The following NDNF variants were observed in gnomAD, a reference collection of about 807,000 sequenced individuals.
The protein encoded by NDNF is neuron derived neurotrophic factor.
A neutral mutation model predicts 42.0 loss-of-function variants in NDNF; 16 were observed. The observed-to-expected ratio is 0.38, with a 90% CI of 0.26 to 0.58. The LOEUF is 0.58. Among genes scored for constraint, NDNF ranks in the 20% least tolerant of loss-of-function variants. NDNF has a pLI of 0.67. For missense variants in NDNF, 616 were observed against 666.2 expected, an observed-to-expected ratio of 0.92 and a Z score of 0.83; for synonymous variants, 248 against 251.7, an observed-to-expected ratio of 0.99 and a Z score of 0.14.
chr4:121,067,924 C>T (rs781533572), intron 1 of NDNF, among the ~76,000 whole-genome samples: 12 of 152,138 alleles, frequency 7.9e-5, no homozygotes, highest in Non-Finnish European at 1.3e-4. Flanking sequence ...AGGAAGCAGC[C>T]AAGGATACAC....
At chr4:121,056,546 GAA>G (rs1200846407) in intron 1 of NDNF, among the ~76,000 whole-genome samples, 1 of 152,166 alleles carries the variant, frequency 6.6e-6, no homozygotes, top group Non-Finnish European at 1.5e-5. Flanking sequence ...GGATAAAACT[GAA>G]AGACTAAAAC....
chr4:121,045,438 A>C (rs916836750), intron 2 of NDNF, among the ~76,000 whole-genome samples: 7 of 152,184 alleles, frequency 4.6e-5, no homozygotes, highest in Non-Finnish European at 8.8e-5. Flanking sequence ...TGCCTCCTAC[A>C]CGCAAAAGGA....
At position 121,045,762 on chromosome 4, in the gene NDNF, C is replaced by T; in HGVS notation, c.76G>A (p.Asp26Asn). 2 of 1,614,164 alleles carry T rather than the reference C, an allele frequency of 1.2e-6. No individual in the cohort carries two copies. The highest frequency in any genetic ancestry group is 1.1e-5 in the South Asian group (1 of 91,078). ...ATCTGCATCTGAAAAAGTTCCTCAT[C>T]CCGGGTGGGTAACTTCTGGGTCCTT... The part of the protein sequence containing the change: ...SSRTQKLPTR[D>N]EELFQMQIRD... The change falls in exon 2 of 4, where the codon GAT becomes AAT. Residue 26 changes from aspartate to asparagine, a missense_variant. Coordinates refer to ENST00000379692, the MANE Select transcript of NDNF (RefSeq NM_024574.4).
chr4:121,039,829 C>T, intron 3 of NDNF, 101 bp downstream of exon 3: 1 of 1,357,582 alleles, frequency 7.4e-7, no homozygotes. Context: ...ACTTGTGCAC[C>T]CATGCTGCCT....
At chr4:121,046,473 A>T (rs779664506) in intron 1 of NDNF, among the ~76,000 whole-genome samples, 8 of 152,216 alleles carry the variant, frequency 5.3e-5, no homozygotes, top group Non-Finnish European at 1.0e-4. Flanking sequence ...GATTTTTATA[A>T]ATCATAAACT....
At chr4:121,055,632 G>A (rs1017666879) in intron 1 of NDNF, among the ~76,000 whole-genome samples, 1 of 151,428 alleles carries the variant, frequency 6.6e-6, no homozygotes, top group Non-Finnish European at 1.5e-5. Context: ...AAAAGAGGAA[G>A]GCATTCTCTT....
intron 1 of NDNF, among the ~76,000 whole-genome samples, chr4:121,054,963 G>A (rs1338340006): frequency 6.6e-6 from 1 of 151,992 alleles, no homozygotes; most frequent in African/African-American, 2.4e-5. Flanking sequence ...CTGAGTAGCT[G>A]GGACTACAGG....
intron 2 of NDNF, among the ~76,000 whole-genome samples, chr4:121,043,105 A>G (rs1313218655): frequency 6.6e-6 from 1 of 152,208 alleles, no homozygotes; most frequent in Non-Finnish European, 1.5e-5. Flanking sequence ...GAGAGTGACA[A>G]TCAGAGATGA....
chr4:121,045,751 A>T lies in NDNF; in HGVS notation c.87T>A (p.Leu29=), dbSNP rs1296774350. ...CCTTGTCCCGGATCTGCATCTGAAA[A>T]AGTTCCTCATCCCGGGTGGGTAACT... The part of the protein sequence containing the change: ...TQKLPTRDEE[L]FQMQIRDKAF... The change falls in exon 2 of 4, where the codon CTT becomes CTA. Residue 29 remains leucine (L), a synonymous_variant. Coordinates refer to ENST00000379692, the MANE Select transcript of NDNF (RefSeq NM_024574.4). The T allele has an allele frequency of 2.5e-6, 4 of 1,614,062 alleles. 1 individual carries two copies. In the South Asian group the frequency reaches 4.4e-5, roughly 18 times the overall value.
At chr4:121,049,298 T>C (rs763464169) in intron 1 of NDNF, among the ~76,000 whole-genome samples, 4 of 152,292 alleles carry the variant, frequency 2.6e-5, no homozygotes, top group Non-Finnish European at 4.4e-5. Flanking sequence ...TAGTGAGCAG[T>C]CTTGGCAGAT....
chr4:121,039,861 GT>G, intron 3 of NDNF, 68 bp downstream of exon 3: 1 of 1,539,922 alleles, frequency 6.5e-7, no homozygotes, highest in Admixed American at 2.1e-5. Context: ...CACATAGAAG[GT>G]TGTATGTTTC....
intron 2 of NDNF, among the ~76,000 whole-genome samples, chr4:121,042,780 A>G: frequency 6.6e-6 from 1 of 152,242 alleles, no homozygotes; most frequent in East Asian, 1.9e-4. Context: ...TGTGAATAAC[A>G]GAGCTAAGCA....
intron 3 of NDNF, 98 bp downstream of exon 3, chr4:121,039,832 T>A: frequency 7.2e-7 from 1 of 1,385,904 alleles, no homozygotes; most frequent in South Asian, 1.5e-5. Context: ...TGTGCACCCA[T>A]GCTGCCTTTT....
chr4:121,056,593 A>G (rs1367282495), intron 1 of NDNF, among the ~76,000 whole-genome samples: 2 of 152,192 alleles, frequency 1.3e-5, no homozygotes, highest in Non-Finnish European at 2.9e-5. Context: ...ATTCTAAAAA[A>G]CTATCAATCA....
At chr4:121,066,653 C>A (rs1304936425) in intron 1 of NDNF, among the ~76,000 whole-genome samples, 1 of 152,146 alleles carries the variant, frequency 6.6e-6, no homozygotes, top group Non-Finnish European at 1.5e-5. Flanking sequence ...ATTTCAAAAA[C>A]AAGATGTCAT....
At chr4:121,040,101 T>A in intron 2 of NDNF, 47 bp from the exon 3 acceptor site, 1 of 1,569,962 alleles carries the variant, frequency 6.4e-7, no homozygotes, top group Non-Finnish European at 8.6e-7. Flanking sequence ...CTTTCTAACA[T>A]TTACAATCAA....
rs746437706 is a variant in NDNF, at chr4:121,036,510, A to G, written c.1461T>C (p.Asp487=). The change falls in exon 4 of 4, where the codon GAT becomes GAC. Residue 487 remains aspartate, a synonymous_variant. Coordinates refer to ENST00000379692, the MANE Select transcript of NDNF (RefSeq NM_024574.4). ...KFCIYKKEVD[D]NYNEDQKKRE... ...TTTTCTTCTGGTCTTCATTGTAGTT[A>G]TCATCCACTTCTTTTTTGTAGATGC... 1.3e-5 allele frequency: 21 copies of G among 1,614,008 alleles called. No individual in the cohort carries two copies. Among genetic ancestry groups the G allele is most frequent in the Non-Finnish European group, 1.7e-5 (20 of 1,180,024 alleles).
At position 121,037,217 on chromosome 4, in the gene NDNF, A is replaced by T; in HGVS notation, c.754T>A (p.Phe252Ile). The T allele has an allele frequency of 6.2e-7, 1 of 1,614,070 alleles. No homozygotes were observed. The highest frequency in any genetic ancestry group is 8.5e-7 in the Non-Finnish European group (1 of 1,180,002). Residue 252 changes from phenylalanine (F) to isoleucine (I), a missense_variant, in exon 4 of 4, where the codon TTT (phenylalanine) becomes ATT (isoleucine). Phe to Ile is a conservative substitution (Grantham distance 21, BLOSUM62 0). Coordinates refer to ENST00000379692, the MANE Select transcript of NDNF (RefSeq NM_024574.4). ...KPGLDFSPFDFAHFGFPSDNS... is the reference protein window; with the variant it reads ...KPGLDFSPFDIAHFGFPSDNS... ...TCAGAAGGAAATCCAAAGTGGGCAA[A>T]GTCAAAGGGGCTGAAGTCCAGACCA...
At chr4:121,047,259 A>G (rs533189583) in intron 1 of NDNF, among the ~76,000 whole-genome samples, 1 of 152,358 alleles carries the variant, frequency 6.6e-6, no homozygotes, top group South Asian at 2.1e-4. Flanking sequence ...GAGCTTGTGC[A>G]AAATGCATTT....
Sources: gnomAD v4.1 joint callset for allele counts (sites outside exome capture counted in the v4.1 genomes callset) on GRCh38, gnomAD v4.1.1 for gene constraint, MANE v1.5 for transcripts, NCBI Gene and HGNC (gene_info 2026-07-23, HGNC 2026-07-21) for gene names.